The following NLRC4 variants were observed in gnomAD, a reference collection of about 807,000 sequenced individuals.
NLRC4 encodes the protein NLR family CARD domain containing 4.
Under a neutral mutation model 79.9 loss-of-function variants are expected in NLRC4, and 63 were observed. The ratio of observed to expected loss-of-function variants is 0.79; its 90% CI spans 0.64 to 0.97. NLRC4 has a LOEUF of 0.97. NLRC4 is among the 50% of genes least tolerant of loss of function. The pLI is 0.00. For missense variants in NLRC4, 1,074 were observed against 1,215.2 expected (o/e 0.88, Z 1.73); for synonymous variants, 461 against 456.5 (o/e 1.01, Z -0.12).
At chr2:32,225,659 C>T (rs577198846) in intron 8 of NLRC4, among the ~76,000 whole-genome samples, 5 of 152,330 alleles carry the variant, frequency 3.3e-5, no homozygotes, top group Admixed American at 3.3e-4. Context: ...TAGCCCTACC[C>T]ACCTACCTGG....
At chr2:32,262,256 G>A (rs190980638) in intron 1 of NLRC4, among the ~76,000 whole-genome samples, 32 of 152,206 alleles carry the variant, frequency 2.1e-4, no homozygotes, top group African/African-American at 6.0e-4. Flanking sequence ...AGTGAATGGC[G>A]GCAACTGTAG....
At chr2:32,241,369 CTTTTTTTTTT>C (rs34150887) in intron 4 of NLRC4, among the ~76,000 whole-genome samples, 14 of 74,364 alleles carry the variant, frequency 1.9e-4, no homozygotes, top group African/African-American at 7.3e-4. Context: ...AAAAAATTTC[CTTTTTTTTTT>C]TTTTTTTTTT....
chr2:32,253,988 C>A (rs1461534136), intron 2 of NLRC4, among the ~76,000 whole-genome samples: 2 of 138,678 alleles, frequency 1.4e-5, no homozygotes, highest in Non-Finnish European at 3.1e-5. Context: ...AAAAAAAGTA[C>A]GTGCTGCTAA....
chr2:32,238,410 A>G, intron 5 of NLRC4, 108 bp from the exon 6 acceptor site: 1 of 909,068 alleles, frequency 1.1e-6, no homozygotes, highest in Non-Finnish European at 1.7e-6. Flanking sequence ...AGACCTTGCC[A>G]TGTTCTTCCT....
intron 6 of NLRC4, among the ~76,000 whole-genome samples, chr2:32,236,761 C>A (rs1369687917): frequency 4.6e-5 from 7 of 151,614 alleles, no homozygotes; most frequent in African/African-American, 1.2e-4. Context: ...ACAACAACAA[C>A]AACAAAAATG....
chr2:32,227,559 CCTT>C (rs938703246), intron 8 of NLRC4, among the ~76,000 whole-genome samples: 6 of 152,106 alleles, frequency 3.9e-5, no homozygotes, highest in African/African-American at 1.2e-4. Flanking sequence ...CTTTTTTTCT[CCTT>C]CTCAGCTAGC....
chr2:32,239,075 G>A (rs1686736728), intron 5 of NLRC4, among the ~76,000 whole-genome samples: 1 of 152,170 alleles, frequency 6.6e-6, no homozygotes. Flanking sequence ...GAGGTCAGGA[G>A]TTCAAGACCA....
At chr2:32,241,741 AAAG>A (rs1288987741) in intron 4 of NLRC4, among the ~76,000 whole-genome samples, 1 of 151,890 alleles carries the variant, frequency 6.6e-6, no homozygotes, top group Middle Eastern at 3.2e-3. Context: ...ATCATGCATT[AAAG>A]AAGAAGTCTC....
intron 4 of NLRC4, among the ~76,000 whole-genome samples, chr2:32,241,750 G>A (rs975518914): frequency 4.0e-5 from 6 of 150,968 alleles, no homozygotes; most frequent in African/African-American, 7.3e-5. Flanking sequence ...TAAAGAAGAA[G>A]TCTCATGGAA....
intron 5 of NLRC4, among the ~76,000 whole-genome samples, chr2:32,239,949 A>G (rs933828701): frequency 5.9e-5 from 9 of 152,162 alleles, no homozygotes; most frequent in African/African-American, 1.9e-4. Flanking sequence ...CGTAGGACAT[A>G]TAAGGAAAAG....
chr2:32,233,340 TATATATATA>T (rs1331474756), intron 8 of NLRC4, among the ~76,000 whole-genome samples: 5 of 45,404 alleles, frequency 1.1e-4, no homozygotes, highest in African/African-American at 5.7e-4. Context: ...TATATATATA[TATATATATA>T]TTTTTTTTTT....
intron 8 of NLRC4, among the ~76,000 whole-genome samples, chr2:32,231,779 C>T (rs762580015): frequency 2.6e-5 from 4 of 151,958 alleles, no homozygotes; most frequent in South Asian, 2.1e-4. Context: ...AGACTGGGCT[C>T]GGACTCCTGG....
chr2:32,260,834 C>T (rs73922712), intron 1 of NLRC4, among the ~76,000 whole-genome samples: 4 of 152,226 alleles, frequency 2.6e-5, no homozygotes, highest in East Asian at 3.9e-4. Context: ...AACGTTATAC[C>T]GGTTCTGACC....
chr2:32,261,315 C>CTTTTTTTTTTTTTTTTTTTTTTTTTTTT (rs1558464069), intron 1 of NLRC4, among the ~76,000 whole-genome samples: 3 of 81,572 alleles, frequency 3.7e-5, no homozygotes, highest in African/African-American at 1.4e-4. Context: ...AAGCCTCCCC[C>CTTTTTTTTTTTTTTTTTTTTTTTTTTTT]CTTTTGTTTT....
At chr2:32,226,079 C>T (rs212707) in intron 8 of NLRC4, among the ~76,000 whole-genome samples, 87,502 of 151,950 alleles carry the variant, frequency 0.58, 25,427 homozygotes, top group African/African-American at 0.62. Flanking sequence ...TGCTGTACAA[C>T]CTTAAGGTTA....
chr2:32,226,033 C>T (rs982618560), intron 8 of NLRC4, among the ~76,000 whole-genome samples: 33 of 152,068 alleles, frequency 2.2e-4, no homozygotes, highest in African/African-American at 7.7e-4. Flanking sequence ...GTGAGAAGAC[C>T]ACTAAAGAGT....
At chr2:32,230,965 T>C (rs1223900043) in intron 8 of NLRC4, among the ~76,000 whole-genome samples, 1 of 152,208 alleles carries the variant, frequency 6.6e-6, no homozygotes, top group Non-Finnish European at 1.5e-5. Flanking sequence ...TAACCATCCC[T>C]AGTGGGTCTC....
chr2:32,263,230 C>T (rs1264911803), intron 1 of NLRC4, among the ~76,000 whole-genome samples: 1 of 152,120 alleles, frequency 6.6e-6, no homozygotes, highest in Non-Finnish European at 1.5e-5. Context: ...TTTGGCATTG[C>T]AGATCTGAAT....
intron 1 of NLRC4, 65 bp from the exon 2 acceptor site, chr2:32,256,958 A>G (rs1207632599): frequency 1.8e-5 from 10 of 543,168 alleles, no homozygotes; most frequent in Non-Finnish European, 3.0e-5. Flanking sequence ...TTATCTAGGT[A>G]ATGCCCCGCT....
Sources: gnomAD v4.1 joint callset for allele counts (sites outside exome capture counted in the v4.1 genomes callset) on GRCh38, gnomAD v4.1.1 for gene constraint, MANE v1.5 for transcripts, NCBI Gene and HGNC (gene_info 2026-07-23, HGNC 2026-07-21) for gene names.